Variants in SRCAP observed in about 807,000 individuals in gnomAD.
SRCAP encodes Snf2 related CREBBP activator protein.
In SRCAP, 46 loss-of-function variants were observed where a neutral mutation model predicts 263.1. The ratio of observed to expected loss-of-function variants is 0.17; its 90% CI spans 0.14 to 0.22. The LOEUF (loss-of-function observed/expected upper bound fraction) is 0.22. Among genes scored for constraint, SRCAP ranks in the 10% least tolerant of loss-of-function variants. The pLI, the probability that SRCAP is intolerant of heterozygous loss-of-function variation, is 1.00. For missense variants in SRCAP, 3,695 were observed against 4,181.9 expected (o/e 0.88, Z 3.21); for synonymous variants, 1,813 against 1,662.1 (o/e 1.09, Z -2.21).
In SRCAP at chr16:30,711,743, A is replaced by C; in HGVS notation, c.1491A>C (p.Ser497=). Residue 497 remains serine, a splice_region_variant and synonymous_variant, in exon 11 of 34, where the codon TCA becomes TCC. Transcript: ENST00000262518. ...CTCAGGAGGATAGTAGCAGTCAGTC[A>C]GGTGAATATGTGGTCATGAAGCAGG... is the stretch of plus-strand genomic sequence containing the variant. The part of the protein sequence containing the change: ...EPPQEDSSSQ[S]DSVEDRSEDE... 1 of 1,612,468 alleles carries C rather than the reference A, an allele frequency of 6.2e-7. No homozygotes were observed. The highest frequency in any genetic ancestry group is 8.5e-7 in the Non-Finnish European group (1 of 1,179,076).
chr16:30,734,489 C>T lies in SRCAP; in HGVS notation c.6610-7C>T. On this transcript the variant is annotated splice_region_variant and splice_polypyrimidine_tract_variant and intron_variant, in intron 30 of 33. Transcript: ENST00000262518. ...ACTCTGACACTTCCCTCTGTTCTAT[C>T]CGATAGCAGACCATCCGAGAGCTGT... 6.2e-7 allele frequency: 1 copy of T among 1,614,014 alleles called. No individual in the cohort carries two copies. Among genetic ancestry groups the T allele is most frequent in the South Asian group, 1.1e-5 (1 of 91,068 alleles).
Position 30,722,576 on chromosome 16 carries a change from C to T in SRCAP, c.3720C>T (p.His1240=), listed in dbSNP as rs915047542. The T allele has an allele frequency of 3.7e-6, 6 of 1,613,970 alleles. No homozygotes were observed. The highest frequency in any genetic ancestry group is 2.7e-5 in the African/African-American group (2 of 74,918). The change falls in exon 23 of 34, where the codon CAC becomes CAT. Residue 1240 remains histidine, a synonymous_variant. Transcript: ENST00000262518. ...CCCTTAACCCAGGGAATGTGGTGCA[C>T]CTCGTGTCAGCAGGGGGGCAGCACC... is the stretch of plus-strand genomic sequence containing the variant. ...QPRPLQRNVV[H]LVSAGGQHHL...
chr16:30,705,223 C>A (rs1234505277), intron 4 of SRCAP, among the ~76,000 whole-genome samples: 1 of 152,032 alleles, frequency 6.6e-6, no homozygotes, highest in African/African-American at 2.4e-5. Context: ...ATTGCTTGAA[C>A]TGGGAACCGG....
Position 30,722,605 on chromosome 16 carries a change from T to G in SRCAP, c.3749T>G (p.Leu1250Arg). Residue 1250 changes from leucine (L) to arginine (R), a missense_variant, in exon 23 of 34, where the codon CTC (leucine) becomes CGC (arginine). Physicochemically the swap from Leu to Arg is moderately radical, Grantham distance 102. This residue lies in a region of SRCAP where 1,347 missense variants were observed against 1,304.4 expected (regional missense o/e 1.03). Transcript: ENST00000262518. ...HLVSAGGQHH[L>R]ISQPAHVALI... is the part of the protein sequence containing the mutation. ...GTGTCAGCAGGGGGGCAGCACCATCTCATCAGCCAGCCTGCCCATGTGGCC... is the reference window on the plus strand; with the variant it reads ...GTGTCAGCAGGGGGGCAGCACCATCGCATCAGCCAGCCTGCCCATGTGGCC... The G allele has an allele frequency of 6.2e-7, 1 of 1,614,106 alleles. No individual in the cohort carries two copies. The highest frequency in any genetic ancestry group is 2.2e-5 in the East Asian group (1 of 44,868).
At position 30,724,030 on chromosome 16, in the gene SRCAP, G is replaced by A. The variant is rs763653596; in HGVS notation, c.4606G>A (p.Gly1536Arg). The A allele has an allele frequency of 6.2e-7, 1 of 1,613,914 alleles. No homozygotes were observed. The highest frequency in any genetic ancestry group is 8.5e-7 in the Non-Finnish European group (1 of 1,179,994). The part of the protein sequence containing the change: ...LLAPTSSHVP[G>R]LNSTVAPACS... ...GGCTCCCACCTCTTCACATGTTCCA[G>A]GGTTGAACTCAACCGTGGCCCCAGC... The change falls in exon 25 of 34, where the codon GGG (glycine) becomes AGG (arginine). Residue 1536 changes from glycine (G) to arginine (R), a missense_variant. Physicochemically the swap from Gly to Arg is moderately radical, Grantham distance 125. Coordinates refer to ENST00000262518, the MANE Select transcript of SRCAP (RefSeq NM_006662.3).
chr16:30,720,320 G>A lies in SRCAP; in HGVS notation c.2976G>A (p.Met992Ile). Residue 992 changes from methionine (M) to isoleucine (I), a missense_variant, in exon 19 of 34, where the codon ATG (methionine) becomes ATA (isoleucine). Around this residue, in one of 12 missense-constraint regions of SRCAP, gnomAD observed 147 missense variants for 212.7 expected, o/e 0.69. Coordinates refer to ENST00000262518, the MANE Select transcript of SRCAP (RefSeq NM_006662.3). ...CACCCCGGCCCAAGCCAGTCAAGATGAAGGTCAACAGGTACAAGGACTAAG... is the reference window on the plus strand; with the variant it reads ...CACCCCGGCCCAAGCCAGTCAAGATAAAGGTCAACAGGTACAAGGACTAAG... ...DPPPRPKPVK[M>I]KVNRMLQPVP... 1 of 1,613,482 alleles carries A rather than the reference G, an allele frequency of 6.2e-7. No individual in the cohort carries two copies. The highest frequency in any genetic ancestry group is 2.2e-5 in the East Asian group (1 of 44,852).
In SRCAP at chr16:30,733,284, G is replaced by A. The variant is rs201175813; in HGVS notation, c.6132G>A (p.Lys2044=). The change falls in exon 28 of 34, where the codon AAG becomes AAA. Residue 2044 remains lysine, a synonymous_variant. Coordinates refer to ENST00000262518, the MANE Select transcript of SRCAP (RefSeq NM_006662.3). This position sits in a 1 kb window ranked among gnomAD's most constrained non-coding sequence, Gnocchi z 5.3. ...TATCCCTTCATATCTCTTTAGGAAA[G>A]TTGCAGACGTTGGCAGTGCTGTTGC... ...DLRLIQYDCG[K]LQTLAVLLRQ... is the part of the protein sequence containing the mutation. 138 of 1,613,616 alleles carry A rather than the reference G, an allele frequency of 8.6e-5. No individual in the cohort carries two copies. The highest frequency in any genetic ancestry group is 1.2e-4 in the Non-Finnish European group (137 of 1,180,028).
chr16:30,723,370 G>T, intron 24 of SRCAP, 141 bp downstream of exon 24: 1 of 1,420,996 alleles, frequency 7.0e-7, no homozygotes, highest in African/African-American at 1.4e-5. Flanking sequence ...GAACTGGGCT[G>T]CCTGAGCCCT....
intron 25 of SRCAP, chr16:30,725,789 T>C (rs753874476): frequency 7.2e-5 from 11 of 152,110 alleles, no homozygotes; most frequent in Non-Finnish European, 1.6e-4. Context: ...ACAATAGTTT[T>C]TGGTTTTTTT....
rs144350038 is a variant in SRCAP, at chr16:30,704,358, T to C, written c.306+43T>C. ...TTATGAAGATTCTTGGGAGTTATCT[T>C]CCGTAAACTCCCACGTCCTCTTGAG... is the stretch of plus-strand genomic sequence containing the variant. On this transcript the variant is annotated intron_variant, in intron 4 of 33. Coordinates refer to ENST00000262518, the MANE Select transcript of SRCAP (RefSeq NM_006662.3). 2.2e-4 allele frequency: 331 copies of C among 1,538,220 alleles called. 2 individuals are homozygous for C. In the East Asian group the frequency reaches 7.3e-3, roughly 34 times the overall value.
chr16:30,723,684 C>G lies in SRCAP; in HGVS notation c.4260C>G (p.Ser1420=). ...PASSPMPIPN[S]SPLASPVSST... The stretch of plus-strand genomic sequence containing the variant: ...CTTCTCCAATGCCAATTCCCAACTC[C>G]TCTCCCCTTGCTAGTCCTGTGTCCT... The change falls in exon 25 of 34, where the codon TCC becomes TCG. Residue 1420 remains serine, a synonymous_variant. Coordinates refer to ENST00000262518, the MANE Select transcript of SRCAP (RefSeq NM_006662.3). 6 of 1,614,050 alleles carry G rather than the reference C, an allele frequency of 3.7e-6. No individual in the cohort carries two copies. Among genetic ancestry groups the G allele is most frequent in the Non-Finnish European group, 5.1e-6 (6 of 1,179,990 alleles).
chr16:30,705,029 G>T (rs1419835880), intron 4 of SRCAP, among the ~76,000 whole-genome samples: 1 of 151,916 alleles, frequency 6.6e-6, no homozygotes, highest in Non-Finnish European at 1.5e-5. Context: ...TGCCGGGCGT[G>T]GTGGCTCATG....
intron 25 of SRCAP, chr16:30,725,725 G>C (rs1401511127): frequency 1.3e-5 from 2 of 152,106 alleles, no homozygotes; most frequent in Non-Finnish European, 2.9e-5. Flanking sequence ...GGTTTTTTTT[G>C]GTAACAGTTT....
chr16:30,707,499 T>C, intron 5 of SRCAP, 73 bp from the exon 6 acceptor site: 1 of 1,605,914 alleles, frequency 6.2e-7, no homozygotes. Context: ...TTCTTGGCCT[T>C]GATTATTTTC....
chr16:30,700,366 C>T (rs913193910), intron 2 of SRCAP, among the ~76,000 whole-genome samples: 7 of 152,272 alleles, frequency 4.6e-5, no homozygotes, highest in East Asian at 1.9e-4. Flanking sequence ...TGGCTATATC[C>T]GTTGTGTGTA....
chr16:30,710,296 C>T (rs2052873571), intron 8 of SRCAP, among the ~76,000 whole-genome samples, 168 bp downstream of exon 8: 1 of 152,164 alleles, frequency 6.6e-6, no homozygotes, highest in African/African-American at 2.4e-5. Flanking sequence ...GGGCAAGTTG[C>T]ATTTTGTGAT....
chr16:30,703,755 G>C (rs956417235), intron 3 of SRCAP, among the ~76,000 whole-genome samples: 1 of 151,884 alleles, frequency 6.6e-6, no homozygotes, highest in Non-Finnish European at 1.5e-5. Flanking sequence ...AAATTAGCTG[G>C]GCATAGTGGC....
chr16:30,708,570 T>C (rs1208509120), intron 6 of SRCAP, among the ~76,000 whole-genome samples: 1 of 151,926 alleles, frequency 6.6e-6, no homozygotes, highest in Admixed American at 6.6e-5. Flanking sequence ...ATTTTTGTAT[T>C]TTTAGTAGAG....
At chr16:30,719,511 G>A (rs1015080902) in intron 18 of SRCAP, among the ~76,000 whole-genome samples, 6 of 151,504 alleles carry the variant, frequency 4.0e-5, no homozygotes, top group East Asian at 1.9e-4. Flanking sequence ...CACCGCACCC[G>A]GCCTTTTTTT....
Sources: allele counts gnomAD v4.1 joint callset (sites outside exome capture counted in the v4.1 genomes callset), GRCh38; gene constraint gnomAD v4.1.1; regional missense constraint gnomAD v4.1.1; non-coding constraint Gnocchi (gnomAD v3.1); transcripts MANE v1.5; gene names NCBI Gene and HGNC (gene_info 2026-07-23, HGNC 2026-07-21).